Variants in RAPGEF1 observed in about 807,000 individuals in gnomAD.
RAPGEF1 encodes the protein Rap guanine nucleotide exchange factor 1.
Under a neutral mutation model 143.3 loss-of-function variants are expected in RAPGEF1, and 33 were observed. The observed-to-expected ratio is 0.23, with a 90% CI of 0.17 to 0.31. The LOEUF (loss-of-function observed/expected upper bound fraction) is 0.31. Among genes scored for constraint, RAPGEF1 ranks in the 10% least tolerant of loss-of-function variants. RAPGEF1 has a pLI of 1.00. For missense variants in RAPGEF1, 1,199 were observed against 1,645.4 expected, an observed-to-expected ratio of 0.73 and a Z score of 4.69; for synonymous variants, 629 against 676.5, an observed-to-expected ratio of 0.93 and a Z score of 1.09.
chr9:131,731,535 A>T (rs1013264264), intron 1 of RAPGEF1, among the ~76,000 whole-genome samples: 9 of 152,120 alleles, frequency 5.9e-5, no homozygotes, highest in African/African-American at 2.2e-4. Context: ...TTCTCATTCC[A>T]TGTCCTTCCT....
At position 131,589,870 on chromosome 9, in the gene RAPGEF1, A is replaced by G. The variant is rs763268680; in HGVS notation, c.2867+16T>C. On this transcript the variant is annotated intron_variant, in intron 19 of 26. Coordinates refer to ENST00000683357, the MANE Select transcript of RAPGEF1 (RefSeq NM_001377935.1). ...CTCCCCACTGGCCCCCAGGACCCCA[A>G]GGGTGAAGCACTCACCAGAGCTCAT... The G allele has an allele frequency of 1.9e-6, 3 of 1,609,452 alleles. No homozygotes were observed. Among genetic ancestry groups the G allele is most frequent in the East Asian group, 2.2e-5 (1 of 44,848 alleles).
intron 5 of RAPGEF1, among the ~76,000 whole-genome samples, chr9:131,635,928 A>G (rs748407150): frequency 1.3e-5 from 2 of 152,222 alleles, no homozygotes; most frequent in Non-Finnish European, 2.9e-5. Flanking sequence ...TGTTATTACT[A>G]TTAGACAATA....
intron 1 of RAPGEF1, among the ~76,000 whole-genome samples, chr9:131,733,549 A>G (rs1837226626): frequency 6.6e-6 from 1 of 152,092 alleles, no homozygotes; most frequent in African/African-American, 2.4e-5. Context: ...AGAAACTAAG[A>G]TGACTGGCCT....
chr9:131,594,276 G>A (rs902687881), intron 17 of RAPGEF1, among the ~76,000 whole-genome samples: 3 of 152,224 alleles, frequency 2.0e-5, no homozygotes, highest in Non-Finnish European at 4.4e-5. Flanking sequence ...CTTTGAGACA[G>A]CCCTAAAAGG....
At chr9:131,732,309 A>T (rs1837128210) in intron 1 of RAPGEF1, among the ~76,000 whole-genome samples, 2 of 152,142 alleles carry the variant, frequency 1.3e-5, no homozygotes, top group South Asian at 4.1e-4. Context: ...TGTCAGGCTG[A>T]GTAGAGCTGG....
At chr9:131,702,361 A>G (rs1277638864) in intron 1 of RAPGEF1, among the ~76,000 whole-genome samples, 7 of 152,148 alleles carry the variant, frequency 4.6e-5, no homozygotes, top group Non-Finnish European at 1.0e-4. Context: ...TTTCTATGAA[A>G]CTCAGCACTT....
At chr9:131,615,234 G>A (rs1297124864) in intron 12 of RAPGEF1, among the ~76,000 whole-genome samples, 4 of 152,180 alleles carry the variant, frequency 2.6e-5, no homozygotes, top group Non-Finnish European at 5.9e-5. Flanking sequence ...CACCATGCCT[G>A]GCTAATTTTT....
At chr9:131,595,723 C>T (rs1232602848) in intron 17 of RAPGEF1, among the ~76,000 whole-genome samples, 3 of 151,928 alleles carry the variant, frequency 2.0e-5, no homozygotes, top group South Asian at 2.1e-4. Flanking sequence ...CCCAACAAGA[C>T]GTTTTAGGGA....
chr9:131,677,619 T>C (rs1166429619), intron 1 of RAPGEF1, among the ~76,000 whole-genome samples: 1 of 152,186 alleles, frequency 6.6e-6, no homozygotes, highest in African/African-American at 2.4e-5. Flanking sequence ...AAACAAAAGC[T>C]AAAATGCTCT....
At chr9:131,695,125 C>T (rs1239423762) in intron 1 of RAPGEF1, among the ~76,000 whole-genome samples, 2 of 151,988 alleles carry the variant, frequency 1.3e-5, no homozygotes, top group Non-Finnish European at 2.9e-5. Context: ...ACCCAAGTGG[C>T]TAAAACAATG....
At chr9:131,673,488 C>T (rs1356437421) in intron 1 of RAPGEF1, among the ~76,000 whole-genome samples, 1 of 152,196 alleles carries the variant, frequency 6.6e-6, no homozygotes, top group Non-Finnish European at 1.5e-5. Flanking sequence ...TCTTTGAGCA[C>T]ATTCTAAGAT....
intron 1 of RAPGEF1, among the ~76,000 whole-genome samples, chr9:131,663,965 A>G (rs187286837): frequency 1.8e-3 from 278 of 152,254 alleles, no homozygotes; most frequent in Non-Finnish European, 3.1e-3. Flanking sequence ...ATTCCTCGAT[A>G]TTTATTGGCT....
chr9:131,725,789 T>TG (rs1419915145), intron 1 of RAPGEF1, among the ~76,000 whole-genome samples: 2 of 149,988 alleles, frequency 1.3e-5, no homozygotes, highest in Non-Finnish European at 3.0e-5. Context: ...GACGGAGTCT[T>TG]GCTCTGTCAC....
chr9:131,595,666 C>T (rs1436417316), intron 17 of RAPGEF1, among the ~76,000 whole-genome samples: 1 of 143,472 alleles, frequency 7.0e-6, no homozygotes, highest in Non-Finnish European at 1.5e-5. Context: ...GTCACTAGCA[C>T]CTCCTTTCCA....
intron 3 of RAPGEF1, among the ~76,000 whole-genome samples, chr9:131,648,994 C>G (rs910249214): frequency 6.6e-6 from 1 of 152,040 alleles, no homozygotes; most frequent in African/African-American, 2.4e-5. Context: ...GAATATCTGT[C>G]TACAAGGTTT....
chr9:131,714,034 C>G (rs1010321605), intron 1 of RAPGEF1, among the ~76,000 whole-genome samples: 1 of 152,018 alleles, frequency 6.6e-6, no homozygotes, highest in African/African-American at 2.4e-5. Context: ...ATCTTACAAA[C>G]ATCTGTACCT....
intron 12 of RAPGEF1, among the ~76,000 whole-genome samples, chr9:131,617,965 T>A (rs1450353990): frequency 6.6e-6 from 1 of 152,208 alleles, no homozygotes; most frequent in Admixed American, 6.5e-5. Context: ...AAGACTCCCC[T>A]CTTCAGTGTC....
At chr9:131,593,411 C>A (rs550597196) in intron 17 of RAPGEF1, among the ~76,000 whole-genome samples, 3 of 152,326 alleles carry the variant, frequency 2.0e-5, no homozygotes, top group South Asian at 4.1e-4. Flanking sequence ...GCAGCCACCC[C>A]CCGTGCCTGC....
At chr9:131,656,621 G>A (rs569693276) in intron 1 of RAPGEF1, among the ~76,000 whole-genome samples, 2 of 152,198 alleles carry the variant, frequency 1.3e-5, no homozygotes, top group African/African-American at 2.4e-5. Context: ...CTACTGCCCT[G>A]AGTTGCTGTT....
Sources: gnomAD v4.1 joint callset for allele counts (sites outside exome capture counted in the v4.1 genomes callset) on GRCh38, gnomAD v4.1.1 for gene constraint, MANE v1.5 for transcripts, NCBI Gene and HGNC (gene_info 2026-07-23, HGNC 2026-07-21) for gene names.